PTPRT: variants seen among roughly 807,000 people sequenced by gnomAD.
PTPRT encodes protein tyrosine phosphatase receptor type T.
A neutral mutation model predicts 176.8 loss-of-function variants in PTPRT; 56 were observed. The observed-to-expected ratio is 0.32, with a 90% confidence interval of 0.26 to 0.40. PTPRT has a LOEUF of 0.40. Ranked by LOEUF, PTPRT falls within the 10% of genes least tolerant of loss-of-function variation. The pLI, the probability that PTPRT is intolerant of heterozygous loss-of-function variation, is 1.00. For missense variants in PTPRT, 1,540 were observed against 1,908.2 expected (o/e 0.81, Z 3.60); for synonymous variants, 783 against 739.0 (o/e 1.06, Z -0.96).
intron 17 of PTPRT, among the ~76,000 whole-genome samples, chr20:42,152,089 C>T (rs1244925300): frequency 6.6e-6 from 1 of 152,204 alleles, no homozygotes; most frequent in Non-Finnish European, 1.5e-5. Context: ...TCTATGGGAG[C>T]ACCATGCATA....
At chr20:42,499,717 TG>T (rs2071719725) in intron 7 of PTPRT, among the ~76,000 whole-genome samples, 1 of 152,204 alleles carries the variant, frequency 6.6e-6, no homozygotes, top group African/African-American at 2.4e-5. Flanking sequence ...GGCTGCATGA[TG>T]CGTCTGCAAG....
chr20:42,173,804 A>G (rs1230579067), intron 16 of PTPRT, among the ~76,000 whole-genome samples: 1 of 152,208 alleles, frequency 6.6e-6, no homozygotes, highest in South Asian at 2.1e-4. Context: ...AACTCACTGG[A>G]AATATAAGCC....
Position 42,401,724 on chromosome 20 carries a change from A to AGCCT in PTPRT, c.1560+46495_1560+46496insAGGC, listed in dbSNP as rs570646646. On this transcript the variant is annotated intron_variant, in intron 9 of 30. Transcript: ENST00000373187. ...ATGGCATGTTGCAATGGATGTGCCC[A>AGCCT]GTACAGGCTTAACCAAAGGATGTTA... is the stretch of plus-strand genomic sequence containing the variant. Among the ~76,000 whole-genome samples the AGCCT allele has an allele frequency of 4.1e-3, 620 of 152,302 alleles. 4 individuals carry two copies. The highest frequency in any genetic ancestry group is 0.014 in the African/African-American group (597 of 41,578).
At chr20:42,588,660 T>C (rs1380500734) in intron 7 of PTPRT, among the ~76,000 whole-genome samples, 1 of 152,198 alleles carries the variant, frequency 6.6e-6, no homozygotes, top group Non-Finnish European at 1.5e-5. Flanking sequence ...CTAGAATTAA[T>C]TGCACCTGGT....
chr20:42,556,445 A>G (rs574110624), intron 7 of PTPRT, among the ~76,000 whole-genome samples: 1 of 152,308 alleles, frequency 6.6e-6, no homozygotes, highest in East Asian at 1.9e-4. Flanking sequence ...TCATGAAGTA[A>G]GTGGATATTG....
chr20:42,869,651 T>C (rs1408548189), intron 2 of PTPRT, among the ~76,000 whole-genome samples: 10 of 152,200 alleles, frequency 6.6e-5, no homozygotes, highest in Admixed American at 6.5e-4. Context: ...CTAATTTAGA[T>C]GACACTTTGG....
At chr20:42,626,009 T>C (rs765832239) in intron 7 of PTPRT, among the ~76,000 whole-genome samples, 23 of 151,776 alleles carry the variant, frequency 1.5e-4, no homozygotes, top group African/African-American at 2.4e-4. Flanking sequence ...AAAACCAGAA[T>C]AGAGCCAGCA....
chr20:42,161,561 A>G lies in PTPRT; in HGVS notation c.2492-19T>C. ...CCATCTGCTTCGAAAAGAAGGAGGC[A>G]GAACAGATCATCACCTATAGAAGCT... On this transcript the variant is annotated intron_variant, in intron 16 of 30. Coordinates refer to ENST00000373187, the MANE Select transcript of PTPRT (RefSeq NM_007050.6). The G allele has an allele frequency of 6.3e-7, 1 of 1,581,784 alleles. No individual in the cohort carries two copies. The highest frequency in any genetic ancestry group is 8.6e-7 in the Non-Finnish European group (1 of 1,164,912).
chr20:42,039,692 G>GTATATATATATATATATA, the PTPRT span, among the ~76,000 whole-genome samples: 4,108 of 113,112 alleles, frequency 0.036, 363 homozygotes, highest in Middle Eastern at 0.069. Flanking sequence ...ATTCTGTTGT[G>GTATATATATATATATATA]TATATATATA....
At chr20:42,199,202 C>T (rs1277249803) in intron 16 of PTPRT, 38 bp downstream of exon 16, 1 of 1,607,330 alleles carries the variant, frequency 6.2e-7, no homozygotes, top group East Asian at 2.2e-5. Context: ...CTGAGCTGGA[C>T]CACGGATGTC....
intron 7 of PTPRT, among the ~76,000 whole-genome samples, chr20:42,573,938 C>T (rs1300981883): frequency 2.0e-5 from 3 of 151,760 alleles, no homozygotes; most frequent in Admixed American, 6.6e-5. Flanking sequence ...TTAGTAGAGA[C>T]GGGGTTTCAC....
At chr20:42,389,238 C>T (rs182704496) in intron 9 of PTPRT, among the ~76,000 whole-genome samples, 139 of 151,998 alleles carry the variant, frequency 9.1e-4, no homozygotes, top group Non-Finnish European at 1.5e-3. Flanking sequence ...AACTAACCTG[C>T]ACGTTGTGCA....
At chr20:42,578,958 G>C (rs1284039278) in intron 7 of PTPRT, among the ~76,000 whole-genome samples, 3 of 145,436 alleles carry the variant, frequency 2.1e-5, no homozygotes, top group Admixed American at 7.4e-5. Flanking sequence ...TGCACAATGT[G>C]CACGTTTGTT....
chr20:42,613,003 C>T (rs1017434012), intron 7 of PTPRT, among the ~76,000 whole-genome samples: 4 of 152,186 alleles, frequency 2.6e-5, no homozygotes, highest in African/African-American at 7.2e-5. Context: ...GATGGATAGA[C>T]ACCCTAAATG....
intron 7 of PTPRT, among the ~76,000 whole-genome samples, chr20:42,577,893 C>A (rs1176455352): frequency 7.4e-6 from 1 of 135,030 alleles, no homozygotes; most frequent in African/African-American, 2.9e-5. Context: ...TCTAACCAAA[C>A]AAGAGAAAAA....
chr20:43,035,224 G>C (rs576881804), intron 1 of PTPRT, among the ~76,000 whole-genome samples: 1 of 152,060 alleles, frequency 6.6e-6, no homozygotes, highest in African/African-American at 2.4e-5. Context: ...ACACCTGAGG[G>C]TCTGCAAGAA....
chr20:42,090,621 C>T (rs1984515953), intron 27 of PTPRT, among the ~76,000 whole-genome samples: 2 of 152,138 alleles, frequency 1.3e-5, no homozygotes, highest in African/African-American at 4.8e-5. Context: ...CTCACATAGA[C>T]ATGGAACAGA....
At position 42,473,753 on chromosome 20, in the gene PTPRT, G is replaced by A. The variant is rs537702605; in HGVS notation, c.1154-1191C>T. Among the ~76,000 whole-genome samples, 4 of 152,278 alleles carry A rather than the reference G, an allele frequency of 2.6e-5. No homozygotes were observed. In the East Asian group the frequency reaches 7.7e-4, roughly 29 times the overall value. On this transcript the variant is annotated intron_variant, in intron 7 of 30. Transcript: ENST00000373187. ...GCTTCCCAAAGTGATGGGATTGCAG[G>A]CACCATCCACCATGCCTGGCTCTTG...
intron 7 of PTPRT, among the ~76,000 whole-genome samples, chr20:42,562,372 C>A (rs138178895): frequency 1.3e-5 from 2 of 152,174 alleles, no homozygotes; most frequent in African/African-American, 4.8e-5. Flanking sequence ...CTGTTTGCGT[C>A]CAGCTTTGTT....
Sources: gnomAD v4.1 joint callset for allele counts (sites outside exome capture counted in the v4.1 genomes callset) on GRCh38, gnomAD v4.1.1 for gene constraint, MANE v1.5 for transcripts, NCBI Gene and HGNC (gene_info 2026-07-23, HGNC 2026-07-21) for gene names.